The following ADARB2 variants were observed in gnomAD, a reference collection of about 807,000 sequenced individuals.
The protein encoded by ADARB2 is adenosine deaminase RNA specific B2 (inactive).
A neutral mutation model predicts 62.2 loss-of-function variants in ADARB2; 25 were observed. The observed-to-expected ratio is 0.40, with a 90% confidence interval of 0.29 to 0.56. The LOEUF is 0.56. Ranked by LOEUF, ADARB2 falls within the 20% of genes least tolerant of loss-of-function variation. The probability of loss-of-function intolerance (pLI) is 0.43; values close to 1 mark genes in which losing one functional copy is unlikely to be tolerated. For missense variants in ADARB2, 1,071 were observed against 1,077.4 expected (o/e 0.99, Z 0.08); for synonymous variants, 572 against 500.8 (o/e 1.14, Z -1.90).
intron 2 of ADARB2, among the ~76,000 whole-genome samples, chr10:1,367,502 G>A (rs1377629869): frequency 1.3e-5 from 2 of 152,192 alleles, no homozygotes; most frequent in African/African-American, 4.8e-5. Context: ...GAGGAGAAAG[G>A]GCTGAGTGCA....
At chr10:1,491,831 G>A (rs1439157699) in intron 1 of ADARB2, among the ~76,000 whole-genome samples, 3 of 152,148 alleles carry the variant, frequency 2.0e-5, no homozygotes, top group African/African-American at 7.2e-5. Context: ...TGAGTGATTC[G>A]CCTCTTTGAG....
intron 1 of ADARB2, among the ~76,000 whole-genome samples, chr10:1,428,352 T>C (rs1830735108): frequency 6.6e-6 from 1 of 151,516 alleles, no homozygotes; most frequent in Non-Finnish European, 1.5e-5. Flanking sequence ...AGTGGTGCTA[T>C]CTCGGCTCAC....
intron 1 of ADARB2, among the ~76,000 whole-genome samples, chr10:1,476,128 GAGA>G (rs1481576215): frequency 2.6e-5 from 4 of 152,152 alleles, no homozygotes; most frequent in African/African-American, 9.7e-5. Flanking sequence ...GAAGGGGTGA[GAGA>G]AGGAGAAGGA....
intron 4 of ADARB2, among the ~76,000 whole-genome samples, chr10:1,252,845 G>T (rs117117715): frequency 6.6e-6 from 1 of 152,248 alleles, no homozygotes; most frequent in Non-Finnish European, 1.5e-5. Context: ...TTCCACTAGG[G>T]TCTTGATTTA....
intron 3 of ADARB2, among the ~76,000 whole-genome samples, chr10:1,305,174 AAG>A (rs1159330885): frequency 2.8e-5 from 4 of 145,386 alleles, no homozygotes; most frequent in African/African-American, 9.9e-5. Flanking sequence ...TAAAGAAAAA[AAG>A]AGAGAAGAAT....
intron 3 of ADARB2, among the ~76,000 whole-genome samples, chr10:1,326,403 G>A (rs540084405): frequency 1.2e-4 from 18 of 152,198 alleles, no homozygotes; most frequent in Non-Finnish European, 2.6e-4. Context: ...CTGTGACGTG[G>A]GCAAACTGAG....
At chr10:1,378,596 C>T (rs1332662475) in intron 2 of ADARB2, among the ~76,000 whole-genome samples, 1 of 151,796 alleles carries the variant, frequency 6.6e-6, no homozygotes, top group Non-Finnish European at 1.5e-5. Flanking sequence ...GATGGAACTG[C>T]AGGTGAGGAT....
chr10:1,557,408 C>A (rs1258174285), intron 1 of ADARB2, among the ~76,000 whole-genome samples: 1 of 152,150 alleles, frequency 6.6e-6, no homozygotes, highest in Non-Finnish European at 1.5e-5. Flanking sequence ...ACGGCAAACC[C>A]TGCCACCTGG....
chr10:1,356,931 A>G (rs1014928091), intron 3 of ADARB2, among the ~76,000 whole-genome samples: 4 of 152,180 alleles, frequency 2.6e-5, no homozygotes, highest in African/African-American at 9.7e-5. Flanking sequence ...CCTGAGTTAC[A>G]CACTGAGACC....
At chr10:1,203,444 C>T (rs1017261737) in intron 7 of ADARB2, among the ~76,000 whole-genome samples, 2 of 152,204 alleles carry the variant, frequency 1.3e-5, no homozygotes, top group African/African-American at 4.8e-5. Flanking sequence ...GGTTTTCCGC[C>T]GTGACGCGGC....
intron 8 of ADARB2, among the ~76,000 whole-genome samples, chr10:1,191,244 A>G (rs1473316115): frequency 6.6e-6 from 1 of 152,198 alleles, no homozygotes; most frequent in Non-Finnish European, 1.5e-5. Context: ...AGCGGGGCTC[A>G]CGGTCCAGGA....
At chr10:1,608,774 G>GAAAGAAAGAAAGAA (rs112275204) in intron 1 of ADARB2, among the ~76,000 whole-genome samples, 1 of 139,418 alleles carries the variant, frequency 7.2e-6, no homozygotes, top group Non-Finnish European at 1.5e-5. Context: ...GAAAGAGAAA[G>GAAAGAAAGAAAGAA]AGAAAGAAAG....
intron 1 of ADARB2, among the ~76,000 whole-genome samples, chr10:1,674,265 G>C (rs1834432336): frequency 6.6e-6 from 1 of 152,298 alleles, no homozygotes; most frequent in South Asian, 2.1e-4. Flanking sequence ...GCAACTGTGG[G>C]GGCCCCCGCA....
Position 1,197,722 on chromosome 10 carries a change from C to T in ADARB2, c.1864+2244G>A, listed in dbSNP as rs1246958097. On this transcript the variant is annotated intron_variant, in intron 8 of 9. Coordinates refer to ENST00000381312, the MANE Select transcript of ADARB2 (RefSeq NM_018702.4). ...ATCACAGTTTTATCTTCAGTGTGGA[C>T]TAAGAAATTAATCATTGACAACATA... Among the ~76,000 whole-genome samples the T allele has an allele frequency of 2.6e-5, 4 of 152,184 alleles. No homozygotes were observed. In the South Asian group the frequency reaches 6.2e-4, roughly 24 times the overall value.
At chr10:1,529,797 G>C (rs776411970) in intron 1 of ADARB2, among the ~76,000 whole-genome samples, 1 of 152,192 alleles carries the variant, frequency 6.6e-6, no homozygotes, top group Admixed American at 6.5e-5. Flanking sequence ...TCAGGGGCAC[G>C]CGCAGGGCAA....
chr10:1,289,618 C>T (rs1388508074), intron 3 of ADARB2, among the ~76,000 whole-genome samples: 1 of 152,254 alleles, frequency 6.6e-6, no homozygotes, highest in African/African-American at 2.4e-5. Flanking sequence ...AGGCCTGGGC[C>T]TCCCACTGCC....
Position 1,639,723 on chromosome 10 carries a change from T to C in ADARB2, c.100+97328A>G, listed in dbSNP as rs1159296070. Among the ~76,000 whole-genome samples, 6 of 152,186 alleles carry C rather than the reference T, an allele frequency of 3.9e-5. No homozygotes were observed. In the East Asian group the frequency reaches 9.7e-4, roughly 25 times the overall value. On this transcript the variant is annotated intron_variant, in intron 1 of 9. Coordinates refer to ENST00000381312, the MANE Select transcript of ADARB2 (RefSeq NM_018702.4). ...TGGGTGTGGTGGCGGGCGCCTGTAG[T>C]CCCAGCTACTCAGGAGGCTGAGGCA...
At chr10:1,543,171 C>A (rs1482641670) in intron 1 of ADARB2, among the ~76,000 whole-genome samples, 1 of 152,206 alleles carries the variant, frequency 6.6e-6, no homozygotes, top group Non-Finnish European at 1.5e-5. Context: ...TGCAGGATGG[C>A]GGCGTTGAGA....
intron 1 of ADARB2, chr10:1,395,019 A>G (rs1222736915): frequency 2.2e-6 from 1 of 453,290 alleles, no homozygotes; most frequent in African/African-American, 2.0e-5. Flanking sequence ...TCCTGGGCTC[A>G]GTTGATCCTG....
Sources: gnomAD v4.1 joint callset for allele counts (sites outside exome capture counted in the v4.1 genomes callset) on GRCh38, gnomAD v4.1.1 for gene constraint, MANE v1.5 for transcripts, NCBI Gene and HGNC (gene_info 2026-07-23, HGNC 2026-07-21) for gene names.